Variants in CNTN1 observed in about 807,000 individuals in gnomAD.
The protein encoded by CNTN1 is contactin 1.
In CNTN1, 38 loss-of-function variants were observed where a neutral mutation model predicts 126.4. The observed-to-expected ratio is 0.30, with a 90% confidence interval of 0.23 to 0.39. The LOEUF (loss-of-function observed/expected upper bound fraction) is 0.39. CNTN1 is among the 10% of genes least tolerant of loss of function. CNTN1 has a pLI of 1.00. For missense variants in CNTN1, 1,009 were observed against 1,248.4 expected, an observed-to-expected ratio of 0.81 and a Z score of 2.89; for synonymous variants, 413 against 422.6, an observed-to-expected ratio of 0.98 and a Z score of 0.28.
At chr12:40,986,566 C>A (rs1947958976) in intron 16 of CNTN1, among the ~76,000 whole-genome samples, 1 of 152,168 alleles carries the variant, frequency 6.6e-6, no homozygotes, top group Admixed American at 6.6e-5. Context: ...TTCAGTTCCC[C>A]TGCTTCTGCC....
rs1015613979 is a variant in CNTN1 at position 41,016,912 on chromosome 12, A to G, written c.2415A>G (p.Gln805=). Residue 805 remains glutamine, a synonymous_variant, in exon 19 of 24, where the codon CAA becomes CAG. Coordinates refer to ENST00000551295, the MANE Select transcript of CNTN1 (RefSeq NM_001843.4). The stretch of plus-strand genomic sequence containing the variant: ...TAGTAGCAGTCATTAATTCAGCACA[A>G]GACGGTAGGTGAAAGAAAGACCTTC... ...YSLVAVINSA[Q]DAPSEAPTEV... The G allele has an allele frequency of 1.9e-6, 3 of 1,613,100 alleles. No homozygotes were observed. The highest frequency in any genetic ancestry group is 2.5e-6 in the Non-Finnish European group (3 of 1,179,022).
intron 1 of CNTN1, among the ~76,000 whole-genome samples, chr12:40,707,227 CTTTTTT>C (rs370984371): frequency 1.4e-4 from 15 of 109,162 alleles, no homozygotes; most frequent in Middle Eastern, 4.9e-3. Flanking sequence ...TTTTCTTTTT[CTTTTTT>C]TTTTTTTTTT....
intron 1 of CNTN1, among the ~76,000 whole-genome samples, chr12:40,846,603 A>G (rs1247500001): frequency 6.6e-6 from 1 of 152,216 alleles, no homozygotes; most frequent in Non-Finnish European, 1.5e-5. Flanking sequence ...CTGCTCATTC[A>G]TCTCATCAAA....
At chr12:41,038,483 T>TTTCTTC (rs1347490224) in intron 23 of CNTN1, among the ~76,000 whole-genome samples, 1 of 152,082 alleles carries the variant, frequency 6.6e-6, no homozygotes, top group African/African-American at 2.4e-5. Flanking sequence ...TGTGTTGTAC[T>TTTCTTC]TTCTTCTTCT....
chr12:40,739,132 C>T (rs534943971), intron 1 of CNTN1, among the ~76,000 whole-genome samples: 2 of 152,066 alleles, frequency 1.3e-5, no homozygotes, highest in East Asian at 3.9e-4. Flanking sequence ...TGCAGTGGAG[C>T]TTAAGAACCC....
chr12:40,947,583 AT>A (rs1946475070), intron 14 of CNTN1, among the ~76,000 whole-genome samples: 1 of 151,824 alleles, frequency 6.6e-6, no homozygotes, highest in African/African-American at 2.4e-5. Context: ...TAAATATCTC[AT>A]TTTATTCCTC....
At chr12:40,730,361 C>T (rs1353337583) in intron 1 of CNTN1, among the ~76,000 whole-genome samples, 2 of 152,132 alleles carry the variant, frequency 1.3e-5, no homozygotes, top group Non-Finnish European at 2.9e-5. Flanking sequence ...GAAGGGTGGA[C>T]GGTGCACTGT....
chr12:40,985,977 C>T (rs546608390), intron 16 of CNTN1, among the ~76,000 whole-genome samples: 1 of 151,948 alleles, frequency 6.6e-6, no homozygotes, highest in East Asian at 1.9e-4. Flanking sequence ...TTGTTGGATT[C>T]GGTCTGTGAA....
intron 1 of CNTN1, among the ~76,000 whole-genome samples, chr12:40,873,730 A>G (rs1279244546): frequency 6.6e-6 from 1 of 152,150 alleles, no homozygotes; most frequent in East Asian, 1.9e-4. Flanking sequence ...TATCTGTAAA[A>G]ACCCAAAACA....
intron 15 of CNTN1, among the ~76,000 whole-genome samples, chr12:40,965,440 C>T (rs1444474522): frequency 6.6e-6 from 1 of 152,088 alleles, no homozygotes. Flanking sequence ...TATTCTGGAG[C>T]TGGTAGGACA....
chr12:40,707,227 C>CTTTCTTTTTTTTTTTTTTTTTTTT (rs1941782156), intron 1 of CNTN1, among the ~76,000 whole-genome samples: 1 of 109,166 alleles, frequency 9.2e-6, no homozygotes, highest in African/African-American at 3.8e-5. Flanking sequence ...TTTTCTTTTT[C>CTTTCTTTTTTTTTTTTTTTTTTTT]TTTTTTTTTT....
chr12:40,886,201 A>G (rs1165377800), intron 1 of CNTN1, among the ~76,000 whole-genome samples: 5 of 151,974 alleles, frequency 3.3e-5, no homozygotes, highest in Non-Finnish European at 5.9e-5. Flanking sequence ...TTTGAACTAT[A>G]TTTGCCTAAG....
chr12:40,893,973 GT>G (rs1439335290), intron 1 of CNTN1, among the ~76,000 whole-genome samples: 1 of 152,004 alleles, frequency 6.6e-6, no homozygotes. Context: ...GTTCCCCTTT[GT>G]TGAATAGCAA....
At chr12:40,831,392 A>C (rs1481439367) in intron 1 of CNTN1, among the ~76,000 whole-genome samples, 1 of 151,992 alleles carries the variant, frequency 6.6e-6, no homozygotes, top group Non-Finnish European at 1.5e-5. Context: ...CCCATAGGGC[A>C]CTTCAGTAAA....
intron 14 of CNTN1, among the ~76,000 whole-genome samples, chr12:40,953,624 C>T (rs369708093): frequency 7.8e-4 from 118 of 151,964 alleles, no homozygotes; most frequent in African/African-American, 2.7e-3. Flanking sequence ...GTGGGCTTAT[C>T]GATAAAAGAG....
intron 1 of CNTN1, among the ~76,000 whole-genome samples, chr12:40,762,326 C>T (rs61913872): frequency 0.021 from 3,120 of 152,162 alleles, 44 homozygotes; most frequent in Non-Finnish European, 0.031. Flanking sequence ...TCATCAGTGA[C>T]GAACTGCTAG....
intron 1 of CNTN1, among the ~76,000 whole-genome samples, chr12:40,693,914 A>G (rs780933312): frequency 8.6e-5 from 13 of 151,612 alleles, no homozygotes; most frequent in African/African-American, 1.4e-4. Flanking sequence ...CATGTTTTCA[A>G]TATGTCATAT....
At chr12:41,061,015 A>T (rs1949927322) in intron 23 of CNTN1, among the ~76,000 whole-genome samples, 1 of 152,240 alleles carries the variant, frequency 6.6e-6, no homozygotes, top group African/African-American at 2.4e-5. Context: ...TAAATGGAGC[A>T]CAGAGAGATT....
intron 14 of CNTN1, among the ~76,000 whole-genome samples, chr12:40,952,664 C>T (rs1170699448): frequency 1.3e-5 from 2 of 151,932 alleles, no homozygotes; most frequent in Admixed American, 6.6e-5. Flanking sequence ...TAAGTCAGTT[C>T]GCATGTATAT....
Sources: allele counts gnomAD v4.1 joint callset (sites outside exome capture counted in the v4.1 genomes callset), GRCh38; gene constraint gnomAD v4.1.1; transcripts MANE v1.5; gene names NCBI Gene and HGNC (gene_info 2026-07-23, HGNC 2026-07-21).